The following LIPM variants were observed in gnomAD, a reference collection of about 807,000 sequenced individuals.
LIPM encodes lipase family member M, also known as lipase member M.
Under a neutral mutation model 42.4 loss-of-function variants are expected in LIPM, and 42 were observed. The ratio of observed to expected loss-of-function variants is 0.99; its 90% CI spans 0.77 to 1.28. The LOEUF is 1.28. LIPM is among the 50% of genes most tolerant of loss of function. The pLI is 0.00. For synonymous variants in LIPM, 177 were observed against 173.3 expected (o/e 1.02, Z -0.17); for missense variants, 524 against 520.1 (o/e 1.01, Z -0.07).
Position 88,813,109 on chromosome 10 carries a change from T to C in LIPM, c.278T>C (p.Val93Ala), listed in dbSNP as rs777725998. Residue 93 changes from valine to alanine, a missense_variant, in exon 3 of 9, where the codon GTG (valine) becomes GCG (alanine). Coordinates refer to ENST00000404743, the MANE Select transcript of LIPM (RefSeq NM_001128215.1). ...TCTCTTTTTGCAGGTTCCAGGCCTG[T>C]GGTGTTACTGCAGCATGGCCTAGTT... is the stretch of plus-strand genomic sequence containing the variant. ...VQPKKTGSRP[V>A]VLLQHGLVGG... is the part of the protein sequence containing the mutation. 1.4e-5 allele frequency: 23 copies of C among 1,594,760 alleles called. No homozygotes were observed. In the East Asian group the frequency reaches 3.4e-4, roughly 24 times the overall value.
chr10:88,802,893 G>T lies in LIPM; in HGVS notation c.-4G>T, dbSNP rs147881183. 6.5e-7 allele frequency: 1 copy of T among 1,537,746 alleles called. No homozygotes were observed. The highest frequency in any genetic ancestry group is 2.1e-5 in the Admixed American group (1 of 46,654). On this transcript the variant is annotated 5_prime_UTR_variant, in exon 1 of 9. Transcript: ENST00000404743. ...CAGGAAAAAATAAATGCAGATGTTG[G>T]ACCATGTTGGAAACCTTGTCAAGAC...
rs900893035 is a variant in LIPM, at chr10:88,820,078, G to A, written c.1003-154G>A. ...AGTAATTTTACCTTAAAGTAAGGGC[G>A]GGAACAGAAATTCTTAACAGAGTTG... On this transcript the variant is annotated intron_variant, in intron 8 of 8. Coordinates refer to ENST00000404743, the MANE Select transcript of LIPM (RefSeq NM_001128215.1). Among the ~76,000 whole-genome samples, 22 of 152,266 alleles carry A rather than the reference G, an allele frequency of 1.4e-4. 1 individual carries two copies. The highest frequency in any genetic ancestry group is 3.6e-4 in the African/African-American group (15 of 41,544).
intron 2 of LIPM, among the ~76,000 whole-genome samples, chr10:88,810,171 A>T (rs1355271060): frequency 6.6e-6 from 1 of 152,228 alleles, no homozygotes; most frequent in Non-Finnish European, 1.5e-5. Flanking sequence ...TGCTGAGCAC[A>T]TTCTGGTGCT....
chr10:88,818,686 G>T (rs556123642), intron 8 of LIPM, among the ~76,000 whole-genome samples: 1 of 152,178 alleles, frequency 6.6e-6, no homozygotes, highest in African/African-American at 2.4e-5. Flanking sequence ...GTCTTTCTTT[G>T]AGACCCTCAC....
chr10:88,812,115 G>T (rs1019496210), intron 2 of LIPM, among the ~76,000 whole-genome samples: 1 of 152,158 alleles, frequency 6.6e-6, no homozygotes, highest in Non-Finnish European at 1.5e-5. Flanking sequence ...GAAGAGTTTT[G>T]GACAGGGATT....
At chr10:88,820,155 A>G in intron 8 of LIPM, 77 bp from the exon 9 acceptor site, 1 of 1,193,732 alleles carries the variant, frequency 8.4e-7, no homozygotes, top group Non-Finnish European at 1.2e-6. Context: ...CATGTTTATT[A>G]TGTCTATTTG....
Position 88,817,016 on chromosome 10 carries a change from G to A in LIPM, c.930+129G>A, listed in dbSNP as rs568706803. 74 of 717,328 alleles carry A rather than the reference G, an allele frequency of 1.0e-4. No individual in the cohort carries two copies. In the African/African-American group the frequency reaches 1.0e-3, roughly 10 times the overall value. The allele number at this position is 717,328 out of a possible 1,614,324, so 44.4% of individuals were successfully genotyped here. On this transcript the variant is annotated intron_variant, in intron 7 of 8. Transcript: ENST00000404743. Reference sequence around the variant, plus strand: ...TTCTAAGATGAAATGCAGTATCGTCGATGCTATTTTGATGGAGAATTTGAT... The same window carrying A: ...TTCTAAGATGAAATGCAGTATCGTCAATGCTATTTTGATGGAGAATTTGAT...
At chr10:88,806,969 G>A (rs1221995468) in intron 1 of LIPM, among the ~76,000 whole-genome samples, 1 of 152,050 alleles carries the variant, frequency 6.6e-6, no homozygotes. Flanking sequence ...GATTACAGGT[G>A]TGAGCCACTG....
chr10:88,816,805 G>A lies in LIPM; in HGVS notation c.859-11G>A, dbSNP rs1843723459. On this transcript the variant is annotated splice_polypyrimidine_tract_variant and intron_variant, in intron 6 of 8. Transcript: ENST00000404743. The stretch of plus-strand genomic sequence containing the variant: ...TTCTATGTCCCCCAGAATACTCATG[G>A]TTTGTTACAGAGCCGAGCAAGTGTA... 2.6e-6 allele frequency: 4 copies of A among 1,547,750 alleles called. No individual in the cohort carries two copies. The highest frequency in any genetic ancestry group is 3.5e-6 in the Non-Finnish European group (4 of 1,143,460).
intron 8 of LIPM, 53 bp downstream of exon 8, chr10:88,817,949 C>G: frequency 7.7e-7 from 1 of 1,293,024 alleles, no homozygotes; most frequent in Non-Finnish European, 1.1e-6. Context: ...AAATGTATGA[C>G]AGGGACGTTA....
chr10:88,816,325 C>T (rs1297092432), intron 6 of LIPM, among the ~76,000 whole-genome samples: 2 of 152,100 alleles, frequency 1.3e-5, no homozygotes, highest in Non-Finnish European at 2.9e-5. Flanking sequence ...AATATTTTTT[C>T]TTCTTCTTTA....
At chr10:88,816,300 A>G (rs1276427384) in intron 6 of LIPM, among the ~76,000 whole-genome samples, 1 of 152,208 alleles carries the variant, frequency 6.6e-6, no homozygotes, top group Non-Finnish European at 1.5e-5. Context: ...CTGGGGCAAC[A>G]TTTCCTTAAT....
intron 1 of LIPM, among the ~76,000 whole-genome samples, chr10:88,806,314 T>C (rs1465619938): frequency 6.6e-6 from 1 of 152,176 alleles, no homozygotes; most frequent in Non-Finnish European, 1.5e-5. Flanking sequence ...GTTCAAATTC[T>C]TCCTCCATAA....
Position 88,813,315 on chromosome 10 carries a change from A to C in LIPM, c.464+20A>C. On this transcript the variant is annotated intron_variant, in intron 3 of 8. Coordinates refer to ENST00000404743, the MANE Select transcript of LIPM (RefSeq NM_001128215.1). The stretch of plus-strand genomic sequence containing the variant: ...TTTCAGGTATATGATAATCTCGAGA[A>C]CAGAGGTAGACATGTCTGTCTTTCA... 1 of 1,500,978 alleles carries C rather than the reference A, an allele frequency of 6.7e-7. No individual in the cohort carries two copies. Among genetic ancestry groups the C allele is most frequent in the Non-Finnish European group, 8.9e-7 (1 of 1,119,722 alleles). 93.0% of individuals were successfully genotyped at this position (1,500,978 alleles called of 1,614,324 possible).
intron 8 of LIPM, among the ~76,000 whole-genome samples, chr10:88,819,586 C>T (rs1843762503): frequency 6.6e-6 from 1 of 152,196 alleles, no homozygotes; most frequent in Non-Finnish European, 1.5e-5. Context: ...ATTCTACTAA[C>T]ACTGCATAAA....
intron 3 of LIPM, among the ~76,000 whole-genome samples, chr10:88,813,580 G>A (rs781700891): frequency 2.9e-4 from 43 of 149,632 alleles, no homozygotes; most frequent in Non-Finnish European, 6.0e-4. Flanking sequence ...TTTCCTCATG[G>A]GGAGGGGCGG....
rs914419031 is a variant in LIPM at position 88,808,910 on chromosome 10, C to T, written c.265+495C>T. 6.6e-5 allele frequency among the ~76,000 whole-genome samples: 9 copies of T among 135,418 alleles called. No individual in the cohort carries two copies. The East Asian group carries it at 1.3e-3, about 19-fold the overall frequency. The allele number at this position is 135,418 out of a possible 152,430, so 88.8% of individuals were successfully genotyped here. On this transcript the variant is annotated intron_variant, in intron 2 of 8. Transcript: ENST00000404743. The stretch of plus-strand genomic sequence containing the variant: ...TTGAAAAACGAAAGTTCTATACATA[C>T]ATTTTATTTTATTTTATTTTATTTT...
chr10:88,803,077 A>G (rs1434181889), intron 1 of LIPM, 34 bp downstream of exon 1: 1 of 1,543,926 alleles, frequency 6.5e-7, no homozygotes. Context: ...GAGGTACTTA[A>G]CATGTTAACG....
rs1843546282 is a variant in LIPM, at chr10:88,803,028, A to G, written c.132A>G (p.Glu44=). Residue 44 remains glutamate, a synonymous_variant, in exon 1 of 9, where the codon GAA becomes GAG. Coordinates refer to ENST00000404743, the MANE Select transcript of LIPM (RefSeq NM_001128215.1). ...TGCCAACTAAAGCTGTGGACCCAGA[A>G]GCATTCATGAATATTGTAAGTTGGG... ...VHMPTKAVDP[E]AFMNISEIIQ... 2 of 1,550,910 alleles carry G rather than the reference A, an allele frequency of 1.3e-6. No individual in the cohort carries two copies. Among genetic ancestry groups the G allele is most frequent in the African/African-American group, 1.4e-5 (1 of 73,112 alleles).
Sources: gnomAD v4.1 joint callset for allele counts (sites outside exome capture counted in the v4.1 genomes callset) on GRCh38, gnomAD v4.1.1 for gene constraint, MANE v1.5 for transcripts, NCBI Gene and HGNC (gene_info 2026-07-23, HGNC 2026-07-21) for gene names.